The following ITGB8 variants were observed in gnomAD, a reference collection of about 807,000 sequenced individuals.
The protein encoded by ITGB8 is integrin subunit beta 8, also known as integrin beta-8.
Under a neutral mutation model 89.5 loss-of-function variants are expected in ITGB8, and 30 were observed. The ratio of observed to expected loss-of-function variants is 0.34; its 90% confidence interval spans 0.25 to 0.45. The LOEUF is 0.45. Among genes scored for constraint, ITGB8 ranks in the 20% least tolerant of loss-of-function variants. The pLI is 1.00. For missense variants in ITGB8, 836 were observed against 933.3 expected (o/e 0.90, Z 1.36); for synonymous variants, 335 against 320.4 (o/e 1.05, Z -0.49).
rs1375626593 is a variant in ITGB8, at chr7:20,412,315, G to A, written c.*2318G>A. Reference sequence around the variant, plus strand: ...GAAACCTTTGATCACTAAAAATAATGTAAAAATTGGGTTTAGTAGCCTAAT... The same window carrying A: ...GAAACCTTTGATCACTAAAAATAATATAAAAATTGGGTTTAGTAGCCTAAT... On this transcript the variant is annotated 3_prime_UTR_variant, in exon 14 of 14. Coordinates refer to ENST00000222573, the MANE Select transcript of ITGB8 (RefSeq NM_002214.3). The A allele has an allele frequency of 6.6e-6, 1 of 152,506 alleles. No homozygotes were observed. The highest frequency in any genetic ancestry group is 2.4e-5 in the African/African-American group (1 of 41,410). 9.4% of individuals were successfully genotyped at this position (152,506 alleles called of 1,614,324 possible). A position where few individuals can be genotyped will look rare whatever the true frequency, so the allele number is the denominator to read the frequency against.
At chr7:20,354,619 C>T (rs1231604044) in intron 1 of ITGB8, among the ~76,000 whole-genome samples, 1 of 152,168 alleles carries the variant, frequency 6.6e-6, no homozygotes, top group South Asian at 2.1e-4. Flanking sequence ...TGTTTAGCCT[C>T]GGCTTCTATG....
intron 1 of ITGB8, among the ~76,000 whole-genome samples, chr7:20,338,081 T>C (rs1214797792): frequency 1.3e-5 from 2 of 152,118 alleles, no homozygotes; most frequent in Admixed American, 6.5e-5. Context: ...AGATAATGGC[T>C]GGAGAGGCAA....
intron 1 of ITGB8, among the ~76,000 whole-genome samples, chr7:20,334,698 C>T (rs1461978164): frequency 2.0e-5 from 3 of 152,128 alleles, no homozygotes; most frequent in Non-Finnish European, 4.4e-5. Flanking sequence ...ATTCAGCCTT[C>T]TAAATTATTT....
In ITGB8 at chr7:20,370,591, A is replaced by ACTTAT. The variant is rs1481323107; in HGVS notation, c.388+3405_388+3406insCTTAT. Among the ~76,000 whole-genome samples, 53 of 109,836 alleles carry ACTTAT rather than the reference A, an allele frequency of 4.8e-4. 1 individual carries two copies. Among genetic ancestry groups the ACTTAT allele is most frequent in the African/African-American group, 1.8e-3 (49 of 26,594 alleles). The allele number at this position is 109,836 out of a possible 152,430, so 72.1% of individuals were successfully genotyped here. A position where few individuals can be genotyped will look rare whatever the true frequency, so the allele number is the denominator to read the frequency against. On this transcript the variant is annotated intron_variant, in intron 3 of 13. Coordinates refer to ENST00000222573, the MANE Select transcript of ITGB8 (RefSeq NM_002214.3). The stretch of plus-strand genomic sequence containing the variant: ...AACTTTTACACTACTTTATTTATTT[A>ACTTAT]TTTACTTATTTATTATTATTATTAT...
At chr7:20,329,940 T>C (rs1784319068), upstream of ITGB8, among the ~76,000 whole-genome samples, 2 of 152,162 alleles carry the variant, frequency 1.3e-5, no homozygotes, top group African/African-American at 4.8e-5. Flanking sequence ...ACCCGCACCC[T>C]ACTTGCACCT....
intron 1 of ITGB8, among the ~76,000 whole-genome samples, chr7:20,348,916 G>A (rs907888241): frequency 6.6e-5 from 10 of 152,132 alleles, no homozygotes; most frequent in African/African-American, 2.4e-4. Flanking sequence ...AACAGTAGCT[G>A]GACCATTTGG....
intron 1 of ITGB8, among the ~76,000 whole-genome samples, chr7:20,359,263 A>T (rs1785411120): frequency 6.6e-6 from 1 of 152,260 alleles, no homozygotes; most frequent in East Asian, 1.9e-4. Flanking sequence ...GCTTTAGCAC[A>T]TTATAATACT....
chr7:20,413,543 T>TC lies in ITGB8; in HGVS notation c.*3548dup, dbSNP rs1343548106. The TC allele has an allele frequency of 6.6e-6, 1 of 152,366 alleles. No homozygotes were observed. The highest frequency in any genetic ancestry group is 1.5e-5 in the Non-Finnish European group (1 of 67,934). The allele number at this position is 152,366 out of a possible 1,614,324, so 9.4% of individuals were successfully genotyped here. ...TCTTCCTTTTCTTACTCCTGTTTTT[T>TC]CCACTCACTCTTCCCAAGAGATTTC... On this transcript the variant is annotated 3_prime_UTR_variant, in exon 14 of 14. Coordinates refer to ENST00000222573, the MANE Select transcript of ITGB8 (RefSeq NM_002214.3).
At chr7:20,394,398 G>A (rs1270267290) in intron 7 of ITGB8, among the ~76,000 whole-genome samples, 1 of 152,160 alleles carries the variant, frequency 6.6e-6, no homozygotes, top group African/African-American at 2.4e-5. Flanking sequence ...TTGTGACTAT[G>A]ATTTTTCCTA....
chr7:20,381,993 A>G (rs755427210), intron 6 of ITGB8, 108 bp downstream of exon 6: 98 of 897,624 alleles, frequency 1.1e-4, no homozygotes, highest in Non-Finnish European at 1.6e-4. Flanking sequence ...CAAAAGAAAG[A>G]TACAGAACAA....
rs1012692463 is a variant in ITGB8, at chr7:20,331,366, G to T, written c.-441G>T. ...GCATCACCCAGTGAATGTACATTAG[G>T]GTGGTTTCCCCCCCAGCTTCGGGCT... On this transcript the variant is annotated 5_prime_UTR_variant, in exon 1 of 14. Coordinates refer to ENST00000222573, the MANE Select transcript of ITGB8 (RefSeq NM_002214.3). 1.1e-4 allele frequency: 44 copies of T among 397,634 alleles called. 1 individual carries two copies. In the East Asian group the frequency reaches 1.6e-3, roughly 14 times the overall value. The allele number at this position is 397,634 out of a possible 1,614,324, so 24.6% of individuals were successfully genotyped here. A position where few individuals can be genotyped will look rare whatever the true frequency, so the allele number is the denominator to read the frequency against.
rs1437201332 is a variant in ITGB8, at chr7:20,331,685, C to T, written c.-122C>T. 3.2e-6 allele frequency: 4 copies of T among 1,239,126 alleles called. No homozygotes were observed. The South Asian group carries it at 5.0e-5, about 15-fold the overall frequency. 76.8% of individuals were successfully genotyped at this position (1,239,126 alleles called of 1,614,324 possible). On this transcript the variant is annotated 5_prime_UTR_variant, in exon 1 of 14. Coordinates refer to ENST00000222573, the MANE Select transcript of ITGB8 (RefSeq NM_002214.3). ...TGCTCCGAGCCGCGGGGTCCGCCTGCTAGGCCTGCGGAAAACGTCCTAGCG... is the reference window on the plus strand; with the variant it reads ...TGCTCCGAGCCGCGGGGTCCGCCTGTTAGGCCTGCGGAAAACGTCCTAGCG...
At chr7:20,363,033 C>T (rs1002885632) in intron 1 of ITGB8, among the ~76,000 whole-genome samples, 1 of 152,148 alleles carries the variant, frequency 6.6e-6, no homozygotes, top group African/African-American at 2.4e-5. Context: ...TTCAGTTTAA[C>T]CACTTTAATT....
chr7:20,391,444 C>T lies in ITGB8; in HGVS notation c.1002C>T (p.Asp334=). The T allele has an allele frequency of 6.2e-7, 1 of 1,603,858 alleles. No individual in the cohort carries two copies. ...SLGQLSEKLI[D]NNINVIFAVQ... Reference sequence around the variant, plus strand: ...GCCAACTTTCAGAGAAATTAATAGACAACAACATTAATGTCATCTTTGCAG... The same window carrying T: ...GCCAACTTTCAGAGAAATTAATAGATAACAACATTAATGTCATCTTTGCAG... The change falls in exon 7 of 14, where the codon GAC becomes GAT. Residue 334 remains aspartate (D), a synonymous_variant. Coordinates refer to ENST00000222573, the MANE Select transcript of ITGB8 (RefSeq NM_002214.3).
intron 6 of ITGB8, among the ~76,000 whole-genome samples, chr7:20,385,560 G>C (rs745806114): frequency 8.5e-5 from 13 of 152,326 alleles, no homozygotes; most frequent in Non-Finnish European, 8.8e-5. Context: ...TAGCATGGAG[G>C]CAGAATTGCA....
At chr7:20,391,000 T>A (rs553609890) in intron 6 of ITGB8, among the ~76,000 whole-genome samples, 1 of 152,250 alleles carries the variant, frequency 6.6e-6, no homozygotes, top group East Asian at 1.9e-4. Flanking sequence ...CATATACATA[T>A]ACATGCATAC....
In ITGB8 at chr7:20,404,826, C is replaced by A; in HGVS notation, c.1886C>A (p.Thr629Asn). The A allele has an allele frequency of 6.2e-7, 1 of 1,614,156 alleles. No homozygotes were observed. The highest frequency in any genetic ancestry group is 8.5e-7 in the Non-Finnish European group (1 of 1,179,988). ...GGCCGCTTCTGTGAACACTGCCCCA[C>A]CTGTTATACAGCCTGCAAGGAAAAC... Reference protein sequence around the residue: ...SIGRFCEHCPTCYTACKENWN... With the variant: ...SIGRFCEHCPNCYTACKENWN... Residue 629 changes from threonine to asparagine, a missense_variant, in exon 11 of 14, where the codon ACC becomes AAC. By Grantham distance (65) the Thr-to-Asn change is moderately conservative. Around this residue, in one of 5 missense-constraint regions of ITGB8, gnomAD observed 422 missense variants for 416.9 expected, o/e 1.01. Transcript: ENST00000222573.
intron 3 of ITGB8, among the ~76,000 whole-genome samples, chr7:20,369,071 A>C (rs1428442103): frequency 1.3e-5 from 2 of 152,184 alleles, no homozygotes; most frequent in Non-Finnish European, 2.9e-5. Flanking sequence ...ACCTGAATTT[A>C]AGAGTAAGTT....
chr7:20,405,569 C>T (rs186273326), intron 11 of ITGB8, among the ~76,000 whole-genome samples: 1,530 of 151,780 alleles, frequency 0.01, 33 homozygotes, highest in African/African-American at 0.035. Flanking sequence ...CCACCCACCT[C>T]GGCCTCCCAA....
Sources: gnomAD v4.1 joint callset for allele counts (sites outside exome capture counted in the v4.1 genomes callset) on GRCh38, gnomAD v4.1.1 for gene constraint, gnomAD v4.1.1 regional missense constraint, MANE v1.5 for transcripts, NCBI Gene and HGNC (gene_info 2026-07-23, HGNC 2026-07-21) for gene names.